Variants in GRM7 observed in about 807,000 individuals in gnomAD.
The protein encoded by GRM7 is metabotropic glutamate receptor 7.
In GRM7, 35 loss-of-function variants were observed where a neutral mutation model predicts 84.5. That is an observed-to-expected ratio of 0.41 (90% CI 0.32 to 0.55). The LOEUF (loss-of-function observed/expected upper bound fraction) is 0.55. GRM7 is among the 20% of genes least tolerant of loss of function. The pLI is 0.19. For missense variants in GRM7, 1,003 were observed against 1,194.6 expected (o/e 0.84, Z 2.36); for synonymous variants, 487 against 455.1 (o/e 1.07, Z -0.89).
chr3:7,398,196 G>A (rs533471604), intron 4 of GRM7, among the ~76,000 whole-genome samples: 1 of 152,166 alleles, frequency 6.6e-6, no homozygotes, highest in African/African-American at 2.4e-5. Context: ...AAAGCACTTA[G>A]GAAATATGGC....
At chr3:6,894,730 A>T (rs1268467516) in intron 1 of GRM7, among the ~76,000 whole-genome samples, 3 of 152,142 alleles carry the variant, frequency 2.0e-5, no homozygotes, top group African/African-American at 7.2e-5. Flanking sequence ...CTCGATTCTG[A>T]CTTTAGGATA....
At chr3:7,364,810 G>T (rs928257294) in intron 4 of GRM7, among the ~76,000 whole-genome samples, 1 of 151,600 alleles carries the variant, frequency 6.6e-6, no homozygotes, top group Non-Finnish European at 1.5e-5. Flanking sequence ...CTTATAAATC[G>T]CTTACTATTT....
At chr3:7,675,464 C>T (rs1575618398) in intron 8 of GRM7, among the ~76,000 whole-genome samples, 1 of 152,268 alleles carries the variant, frequency 6.6e-6, no homozygotes, top group African/African-American at 2.4e-5. Flanking sequence ...AAATTAGACA[C>T]GGAACTCAGT....
intron 1 of GRM7, among the ~76,000 whole-genome samples, chr3:7,071,904 T>C: frequency 6.6e-6 from 1 of 152,130 alleles, no homozygotes; most frequent in Non-Finnish European, 1.5e-5. Context: ...TAATATCTAA[T>C]ATTTACTCCA....
chr3:7,189,529 A>G (rs1020144459), intron 2 of GRM7, among the ~76,000 whole-genome samples: 1 of 152,294 alleles, frequency 6.6e-6, no homozygotes, highest in Non-Finnish European at 1.5e-5. Context: ...TGTTATCACT[A>G]TTACTGTTGT....
chr3:7,566,764 TGAAGATTTCCC>T, intron 7 of GRM7, among the ~76,000 whole-genome samples: 1 of 152,210 alleles, frequency 6.6e-6, no homozygotes, highest in East Asian at 1.9e-4. Flanking sequence ...AAAAAAATTC[TGAAGATTTCCC>T]GTAAGGCTGT....
At chr3:7,562,780 G>T (rs1036353122) in intron 7 of GRM7, among the ~76,000 whole-genome samples, 1 of 152,050 alleles carries the variant, frequency 6.6e-6, no homozygotes, top group Admixed American at 6.5e-5. Flanking sequence ...TTTTCCTTAA[G>T]AGCAAAACAT....
intron 1 of GRM7, among the ~76,000 whole-genome samples, chr3:6,931,234 CATAAG>C (rs142640962): frequency 0.013 from 2,048 of 152,242 alleles, 36 homozygotes; most frequent in African/African-American, 0.047. Flanking sequence ...CAGAAACACT[CATAAG>C]AGAAGAGTTC....
intron 1 of GRM7, among the ~76,000 whole-genome samples, chr3:7,000,016 A>G (rs1694953340): frequency 6.6e-6 from 1 of 152,212 alleles, no homozygotes; most frequent in Admixed American, 6.5e-5. Flanking sequence ...TACCTTCAAT[A>G]ATAAATGGCA....
rs17046927 is a variant in GRM7, at chr3:7,165,436, G to C, written c.736+18768G>C. On this transcript the variant is annotated intron_variant, in intron 2 of 9. Coordinates refer to ENST00000357716, the MANE Select transcript of GRM7 (RefSeq NM_000844.4). ...TCACCTGGTGTCTATTCACTTTACT[G>C]TCTGAAAATATATTTTATGTGTATT... Among the ~76,000 whole-genome samples the C allele has an allele frequency of 3.3e-3, 507 of 152,276 alleles. 1 individual carries two copies. The highest frequency in any genetic ancestry group is 0.012 in the African/African-American group (480 of 41,560).
Position 7,250,051 on chromosome 3 carries a change from T to C in GRM7, c.737-48633T>C, listed in dbSNP as rs779378288. The stretch of plus-strand genomic sequence containing the variant: ...TTAGTCGCACGGTCCCCGCCCCTCA[T>C]GTGAGGCTAGGAAATGTAGGCTTTA... On this transcript the variant is annotated intron_variant, in intron 2 of 9. Coordinates refer to ENST00000357716, the MANE Select transcript of GRM7 (RefSeq NM_000844.4). Among the ~76,000 whole-genome samples, 25 of 152,164 alleles carry C rather than the reference T, an allele frequency of 1.6e-4. 1 individual carries two copies. Among genetic ancestry groups the C allele is most frequent in the Non-Finnish European group, 3.7e-4 (25 of 68,022 alleles).
chr3:7,030,617 G>A (rs1334311967), intron 1 of GRM7, among the ~76,000 whole-genome samples: 1 of 152,094 alleles, frequency 6.6e-6, no homozygotes, highest in Non-Finnish European at 1.5e-5. Context: ...TCTGAGACCT[G>A]GCTCATATTC....
rs772397561 is a variant in GRM7, at chr3:7,298,691, C to T, written c.744C>T (p.Leu248=). Residue 248 remains leucine (L), a synonymous_variant, in exon 3 of 10, where the codon CTC becomes CTT. Coordinates refer to ENST00000357716, the MANE Select transcript of GRM7 (RefSeq NM_000844.4). Reference sequence around the variant, plus strand: ...TTTTCTTCTCTTAAACAGGTGGACTCTGCATTGCCCAGTCCGTGAGAATCC... The same window carrying T: ...TTTTCTTCTCTTAAACAGGTGGACTTTGCATTGCCCAGTCCGTGAGAATCC... ...FTQISKEAGG[L]CIAQSVRIPQ... is the part of the protein sequence containing the mutation. 6.2e-6 allele frequency: 10 copies of T among 1,612,884 alleles called. 1 individual carries two copies. The South Asian group carries it at 1.1e-4, about 18-fold the overall frequency.
chr3:7,123,285 C>T (rs954282104), intron 1 of GRM7, among the ~76,000 whole-genome samples: 3 of 152,160 alleles, frequency 2.0e-5, no homozygotes, highest in Admixed American at 6.5e-5. Context: ...TGGTGGCTTG[C>T]AATTGGCCAC....
At chr3:7,173,978 C>T (rs747931648) in intron 2 of GRM7, among the ~76,000 whole-genome samples, 5 of 152,138 alleles carry the variant, frequency 3.3e-5, no homozygotes, top group South Asian at 2.1e-4. Context: ...CACATAAAAT[C>T]GTGCATGGTC....
intron 4 of GRM7, among the ~76,000 whole-genome samples, chr3:7,324,161 C>T (rs1045188768): frequency 7.9e-5 from 12 of 152,134 alleles, no homozygotes; most frequent in African/African-American, 2.9e-4. Flanking sequence ...AACTTCCATT[C>T]TCATGTGTGT....
intron 8 of GRM7, among the ~76,000 whole-genome samples, chr3:7,580,210 A>G (rs1695179705): frequency 6.6e-6 from 1 of 152,208 alleles, no homozygotes; most frequent in African/African-American, 2.4e-5. Context: ...TTCATGTAAT[A>G]TCAACCCTAA....
chr3:6,912,015 A>G (rs930694054), intron 1 of GRM7, among the ~76,000 whole-genome samples: 2 of 152,120 alleles, frequency 1.3e-5, no homozygotes, highest in African/African-American at 4.8e-5. Flanking sequence ...ATAAGATCTC[A>G]GTGTTAAGCC....
At chr3:7,420,788 C>G (rs899396746) in intron 5 of GRM7, among the ~76,000 whole-genome samples, 2 of 152,072 alleles carry the variant, frequency 1.3e-5, no homozygotes, top group Non-Finnish European at 1.5e-5. Flanking sequence ...ATACTAAATC[C>G]TTACAGAAAG....
Sources: gnomAD v4.1 joint callset for allele counts (sites outside exome capture counted in the v4.1 genomes callset) on GRCh38, gnomAD v4.1.1 for gene constraint, MANE v1.5 for transcripts, NCBI Gene and HGNC (gene_info 2026-07-23, HGNC 2026-07-21) for gene names.